Variants in PTPRT observed in about 807,000 individuals in gnomAD.
PTPRT encodes the protein receptor-type tyrosine-protein phosphatase T.
In PTPRT, 56 loss-of-function variants were observed where a neutral mutation model predicts 176.8. That is an observed-to-expected ratio of 0.32 (90% CI 0.26 to 0.40). The LOEUF (loss-of-function observed/expected upper bound fraction) is 0.40, where lower values mean the gene tolerates loss of function less well. Among genes scored for constraint, PTPRT ranks in the 10% least tolerant of loss-of-function variants. The pLI is 1.00. For missense variants in PTPRT, 1,540 were observed against 1,908.2 expected (o/e 0.81, Z 3.60); for synonymous variants, 783 against 739.0 (o/e 1.06, Z -0.96).
chr20:43,015,942 CA>C (rs1252704012), intron 1 of PTPRT, among the ~76,000 whole-genome samples: 61 of 122,886 alleles, frequency 5.0e-4, no homozygotes, highest in African/African-American at 1.9e-3. Flanking sequence ...CTAAGTATTT[CA>C]AAAAGAAAAA....
chr20:42,850,944 A>T (rs1158929745), intron 2 of PTPRT, among the ~76,000 whole-genome samples: 1 of 152,160 alleles, frequency 6.6e-6, no homozygotes, highest in African/African-American at 2.4e-5. Flanking sequence ...CACTCCCCAC[A>T]GACATCTTCC....
chr20:42,938,733 G>C (rs1980362573), intron 1 of PTPRT, among the ~76,000 whole-genome samples: 1 of 152,126 alleles, frequency 6.6e-6, no homozygotes, highest in African/African-American at 2.4e-5. Flanking sequence ...AAGGAGTTAT[G>C]CATGTTTTTG....
chr20:42,428,234 T>C (rs960728571), intron 9 of PTPRT, among the ~76,000 whole-genome samples: 2 of 152,202 alleles, frequency 1.3e-5, no homozygotes, highest in Non-Finnish European at 2.9e-5. Flanking sequence ...GTTGGAGAAA[T>C]GCTACCTTGA....
intron 9 of PTPRT, among the ~76,000 whole-genome samples, chr20:42,404,577 TTAGACAA>T (rs1357143470): frequency 6.6e-6 from 1 of 152,100 alleles, no homozygotes; most frequent in Non-Finnish European, 1.5e-5. Flanking sequence ...CTGTATGACT[TTAGACAA>T]GGCCATTCTG....
intron 9 of PTPRT, among the ~76,000 whole-genome samples, chr20:42,369,403 G>A (rs1007322682): frequency 7.9e-5 from 12 of 152,308 alleles, no homozygotes; most frequent in Non-Finnish European, 2.9e-5. Flanking sequence ...AAATCTGGGT[G>A]CATCTGGAGA....
At chr20:42,311,370 C>T (rs1341731149) in intron 12 of PTPRT, among the ~76,000 whole-genome samples, 4 of 152,192 alleles carry the variant, frequency 2.6e-5, no homozygotes, top group Admixed American at 6.5e-5. Context: ...TTCATAGCCA[C>T]TCTGTTAACC....
chr20:43,101,091 T>C (rs1322126824), intron 1 of PTPRT, among the ~76,000 whole-genome samples: 1 of 152,182 alleles, frequency 6.6e-6, no homozygotes, highest in Non-Finnish European at 1.5e-5. Context: ...GATGCTTTAA[T>C]GCCACATAAA....
chr20:42,246,167 G>T (rs1279246216), intron 14 of PTPRT, among the ~76,000 whole-genome samples: 1 of 152,084 alleles, frequency 6.6e-6, no homozygotes, highest in Non-Finnish European at 1.5e-5. Context: ...TATGCAGCTG[G>T]GGGGTAGCTG....
intron 7 of PTPRT, among the ~76,000 whole-genome samples, chr20:42,491,086 A>G (rs2071554899): frequency 6.6e-6 from 1 of 152,098 alleles, no homozygotes; most frequent in African/African-American, 2.4e-5. Flanking sequence ...CGAACATTGA[A>G]AAAAAACTTG....
At chr20:42,314,539 A>G (rs1008386350) in intron 12 of PTPRT, among the ~76,000 whole-genome samples, 4 of 148,878 alleles carry the variant, frequency 2.7e-5, no homozygotes, top group Admixed American at 6.8e-5. Flanking sequence ...AAAAAAAAAA[A>G]AAAGAAAGAA....
chr20:42,384,508 C>T (rs1041515651), intron 9 of PTPRT, among the ~76,000 whole-genome samples: 1 of 152,092 alleles, frequency 6.6e-6, no homozygotes, highest in African/African-American at 2.4e-5. Context: ...GATTCATTCA[C>T]CAGTGGGCAT....
chr20:42,313,434 T>C (rs2057667085), intron 12 of PTPRT, among the ~76,000 whole-genome samples: 1 of 152,134 alleles, frequency 6.6e-6, no homozygotes, highest in Non-Finnish European at 1.5e-5. Flanking sequence ...CCCTTTCCTG[T>C]AACAAAACCT....
rs569249734 is a variant in PTPRT at position 42,206,203 on chromosome 20, C to T, written c.2343-6815G>A. Among the ~76,000 whole-genome samples, 12 of 152,334 alleles carry T rather than the reference C, an allele frequency of 7.9e-5. No individual in the cohort carries two copies. The South Asian group carries it at 2.3e-3, about 29-fold the overall frequency. ...AAAACTTTATTCATCTATGCCCCCA[C>T]TGACTCAGAATTACTGTAATTGAGG... On this transcript the variant is annotated intron_variant, in intron 15 of 30. Transcript: ENST00000373187.
At chr20:42,110,304 C>T (rs376610612) in intron 23 of PTPRT, 29 bp downstream of exon 23, 2 of 1,565,512 alleles carry the variant, frequency 1.3e-6, no homozygotes, top group African/African-American at 1.4e-5. Context: ...CCCGCCTCGG[C>T]CTCCCAAGGT....
intron 7 of PTPRT, among the ~76,000 whole-genome samples, chr20:42,565,848 A>G (rs2073030768): frequency 1.3e-5 from 2 of 151,910 alleles, no homozygotes; most frequent in African/African-American, 4.8e-5. Context: ...CCTGCCTTCC[A>G]AAGGGCAATA....
intron 2 of PTPRT, among the ~76,000 whole-genome samples, chr20:42,803,862 G>A (rs923827054): frequency 2.6e-5 from 4 of 152,150 alleles, no homozygotes; most frequent in African/African-American, 9.6e-5. Flanking sequence ...CCTAGCCTGT[G>A]TTCTTGACCA....
intron 1 of PTPRT, among the ~76,000 whole-genome samples, chr20:43,024,589 C>CAAAAAAAAA (rs34972558): frequency 2.5e-5 from 2 of 81,412 alleles, no homozygotes. Flanking sequence ...GACTCCATCT[C>CAAAAAAAAA]AAAAAAAAAA....
chr20:42,352,963 T>A (rs148969851), intron 9 of PTPRT, among the ~76,000 whole-genome samples: 20 of 152,356 alleles, frequency 1.3e-4, no homozygotes, highest in African/African-American at 4.8e-4. Context: ...AAACTAATTT[T>A]AACAACACAT....
intron 6 of PTPRT, among the ~76,000 whole-genome samples, chr20:42,696,458 A>T (rs990880994): frequency 1.9e-4 from 16 of 83,416 alleles, no homozygotes; most frequent in African/African-American, 3.2e-4. Context: ...CACATGAATT[A>T]TTTTTTTTTT....
Sources: gnomAD v4.1 joint callset for allele counts (sites outside exome capture counted in the v4.1 genomes callset) on GRCh38, gnomAD v4.1.1 for gene constraint, MANE v1.5 for transcripts, NCBI Gene and HGNC (gene_info 2026-07-23, HGNC 2026-07-21) for gene names.